The following ZNF718 variants were observed in gnomAD, a reference collection of about 807,000 sequenced individuals.
ZNF718 encodes zinc finger protein 718.
ZNF718 carries 3 observed loss-of-function variants against 2.6 expected under a neutral mutation model. The ratio of observed to expected loss-of-function variants is 1.16; its 90% CI spans 0.53 to 3.01. ZNF718 has a LOEUF of 3.01. ZNF718 is among the 30% of genes most tolerant of loss of function. ZNF718 has a pLI of 0.03. For synonymous variants in ZNF718, 135 were observed against 77.9 expected (o/e 1.73, Z -3.86); for missense variants, 468 against 230.0 (o/e 2.03, Z -6.69).
chr4:142,706 AAAC>A (rs1307629336), intron 3 of ZNF718, among the ~76,000 whole-genome samples: 1 of 149,078 alleles, frequency 6.7e-6, no homozygotes, highest in South Asian at 2.2e-4. Flanking sequence ...AGAATTGACT[AAAC>A]AAAGAGGTAC....
At chr4:201,177 C>T (rs1420106600) in exon 4 of ZNF718, 2 of 152,190 alleles carry the variant, frequency 1.3e-5, no homozygotes, top group African/African-American at 4.8e-5. Flanking sequence ...ACTGTAAGCT[C>T]CACTAGTGAC....
intron 3 of ZNF718, among the ~76,000 whole-genome samples, chr4:139,910 C>T (rs1484413187): frequency 1.3e-5 from 2 of 152,276 alleles, no homozygotes; most frequent in Admixed American, 1.3e-4. Context: ...GGCTGACTGC[C>T]ACCTCCTGGT....
chr4:192,694 A>G (rs752362320), intron 3 of ZNF718, among the ~76,000 whole-genome samples: 8 of 152,212 alleles, frequency 5.3e-5, no homozygotes, highest in Non-Finnish European at 8.8e-5. Context: ...ACATCAGAGC[A>G]GGGGCTAGCA....
chr4:136,602 G>C (rs1369866592), intron 3 of ZNF718, among the ~76,000 whole-genome samples: 1 of 152,188 alleles, frequency 6.6e-6, no homozygotes, highest in East Asian at 1.9e-4. Flanking sequence ...GCTCCACTGA[G>C]GTTTCACAAC....
At chr4:192,958 G>A (rs1406608944) in intron 3 of ZNF718, among the ~76,000 whole-genome samples, 5 of 152,024 alleles carry the variant, frequency 3.3e-5, no homozygotes, top group Admixed American at 2.0e-4. Flanking sequence ...CCATCTGATG[G>A]GTGCTATCAA....
At chr4:166,738 A>G (rs1717096957), downstream of ZNF718, among the ~76,000 whole-genome samples, 4 of 151,860 alleles carry the variant, frequency 2.6e-5, no homozygotes, top group African/African-American at 7.3e-5. Context: ...TTCTTTGTAG[A>G]TTCTGGATAT....
At chr4:190,290 C>T (rs1337759025) in intron 3 of ZNF718, among the ~76,000 whole-genome samples, 9 of 151,896 alleles carry the variant, frequency 5.9e-5, no homozygotes, top group African/African-American at 7.2e-5. Context: ...ATTAGCCAGG[C>T]GTGGTGATGG....
chr4:198,188 GA>G (rs566661743), intron 3 of ZNF718, among the ~76,000 whole-genome samples: 1 of 152,064 alleles, frequency 6.6e-6, no homozygotes, highest in Non-Finnish European at 1.5e-5. Context: ...AGAGCCAGCA[GA>G]AAAAACCCAG....
At chr4:151,782 C>T (rs1191020577) in intron 3 of ZNF718, among the ~76,000 whole-genome samples, 1 of 151,552 alleles carries the variant, frequency 6.6e-6, no homozygotes, top group East Asian at 1.9e-4. Context: ...GGGTGTTTCT[C>T]GTAAGGTGGG....
At chr4:196,667 A>ACAGCTTTCTGC (rs1179273006) in intron 3 of ZNF718, among the ~76,000 whole-genome samples, 1 of 152,106 alleles carries the variant, frequency 6.6e-6, no homozygotes, top group Non-Finnish European at 1.5e-5. Flanking sequence ...GTTTGGGATG[A>ACAGCTTTCTGC]CAGCTTTCTG....
intron 3 of ZNF718, among the ~76,000 whole-genome samples, chr4:159,804 T>A (rs1553814509): frequency 6.6e-6 from 1 of 152,188 alleles, no homozygotes; most frequent in African/African-American, 2.4e-5. Flanking sequence ...TCAAATTTTT[T>A]AATTGGGCCA....
chr4:175,852 C>CTTTTTTTT (rs1158577358), intron 3 of ZNF718, among the ~76,000 whole-genome samples: 26 of 98,926 alleles, frequency 2.6e-4, no homozygotes, highest in Non-Finnish European at 3.9e-4. Context: ...GATTAACAGT[C>CTTTTTTTT]TTTTTTTTTT....
chr4:154,805 C>T (rs557611842), intron 3 of ZNF718, among the ~76,000 whole-genome samples: 13 of 152,300 alleles, frequency 8.5e-5, no homozygotes, highest in South Asian at 2.1e-4. Context: ...TGCAGAAATT[C>T]GCATAAGTAA....
chr4:161,985 CAG>C lies in ZNF718; in HGVS notation c.1301_1302del (p.Gln434LeufsTer6). 1.3e-6 allele frequency: 1 copy of C among 779,886 alleles called. No homozygotes were observed. Among genetic ancestry groups the C allele is most frequent in the Non-Finnish European group, 2.4e-6 (1 of 417,476 alleles). The allele number at this position is 779,886 out of a possible 1,614,324, so 48.3% of individuals were successfully genotyped here. A position where few individuals can be genotyped will look rare whatever the true frequency, so the allele number is the denominator to read the frequency against. On this transcript the variant is annotated frameshift_variant, in exon 4 of 4. Transcript: ENST00000510175. LOFTEE classifies it low-confidence loss of function (END_TRUNC). Reference protein sequence around the residue: ...ICKQCGKAFKQSSHLNKHKKI... With the variant: ...ICKQCGKAFKXSSHLNKHKKI... Reference sequence around the variant, plus strand: ...TAAACAATGTGGCAAAGCCTTTAAACAGTCCTCACACTTGAATAAACATAAGA... The same window carrying C: ...TAAACAATGTGGCAAAGCCTTTAAACTCCTCACACTTGAATAAACATAAGA...
At chr4:145,647 A>G (rs1399627855) in intron 3 of ZNF718, among the ~76,000 whole-genome samples, 1 of 152,058 alleles carries the variant, frequency 6.6e-6, no homozygotes, top group Non-Finnish European at 1.5e-5. Context: ...ATATAGAGGC[A>G]GGGTTTTGCC....
intron 3 of ZNF718, among the ~76,000 whole-genome samples, chr4:174,662 G>A (rs1307540210): frequency 1.3e-5 from 2 of 152,186 alleles, no homozygotes; most frequent in African/African-American, 2.4e-5. Context: ...TCAGCCTGTC[G>A]AGGCTATAAC....
chr4:160,923 C>G lies in ZNF718; in HGVS notation c.238C>G (p.His80Asp), dbSNP rs756293227. ...TTTATTTCTTTCAGCTGTGTGTTCT[C>G]ATTTCACCCAAAACCTTTGGACAGT... ...TAARPPAVCS[H>D]FTQNLWTVQG... The change falls in exon 4 of 4, where the codon CAT (histidine) becomes GAT (aspartate). Residue 80 changes from histidine (H) to aspartate (D), a missense_variant. Coordinates refer to ENST00000510175, the MANE Select transcript of ZNF718 (RefSeq NM_001039127.6). 5.3e-6 allele frequency: 4 copies of G among 758,946 alleles called. No individual in the cohort carries two copies. The highest frequency in any genetic ancestry group is 9.7e-6 in the Non-Finnish European group (4 of 411,098). 47.0% of individuals were successfully genotyped at this position (758,946 alleles called of 1,614,324 possible).
chr4:163,725 GGTAA>G lies in ZNF718; in HGVS notation c.*1604_*1607del, dbSNP rs1717009803. The G allele has an allele frequency of 2.0e-5, 3 of 151,888 alleles. No individual in the cohort carries two copies. Among genetic ancestry groups the G allele is most frequent in the Non-Finnish European group, 4.4e-5 (3 of 67,992 alleles). 9.4% of individuals were successfully genotyped at this position (151,888 alleles called of 1,614,324 possible). A position where few individuals can be genotyped will look rare whatever the true frequency, so the allele number is the denominator to read the frequency against. On this transcript the variant is annotated 3_prime_UTR_variant, in exon 4 of 4. Coordinates refer to ENST00000510175, the MANE Select transcript of ZNF718 (RefSeq NM_001039127.6). ...TGTGTGAACCTTACTCAAGGGTGTAGGTAAAAAATGGTAACAGTATACTTTTAGT... is the reference window on the plus strand; with the variant it reads ...TGTGTGAACCTTACTCAAGGGTGTAGAAAATGGTAACAGTATACTTTTAGT...
chr4:133,462 A>G (rs534426262), intron 3 of ZNF718, among the ~76,000 whole-genome samples: 6 of 152,048 alleles, frequency 3.9e-5, no homozygotes, highest in South Asian at 4.1e-4. Context: ...CTTAATAACT[A>G]TTATCTTTTA....
Sources: allele counts gnomAD v4.1 joint callset (sites outside exome capture counted in the v4.1 genomes callset), GRCh38; gene constraint gnomAD v4.1.1; transcripts MANE v1.5; gene names NCBI Gene and HGNC (gene_info 2026-07-23, HGNC 2026-07-21).